Variants in MSH6 observed in about 807,000 individuals in gnomAD.
MSH6 encodes DNA mismatch repair protein Msh6.
Under a neutral mutation model 119.1 loss-of-function variants are expected in MSH6, and 85 were observed. The observed-to-expected ratio is 0.71, with a 90% CI of 0.60 to 0.85. The LOEUF is 0.85. MSH6 is among the 40% of genes least tolerant of loss of function. The pLI is 0.00. For missense variants in MSH6, 2,163 were observed against 1,655.3 expected (o/e 1.31, Z -5.32); for synonymous variants, 830 against 586.9 (o/e 1.41, Z -5.99).
intron 3 of MSH6, among the ~76,000 whole-genome samples, chr2:47,797,264 ATAAC>A (rs1438000009): frequency 2.6e-5 from 4 of 152,258 alleles, no homozygotes; most frequent in African/African-American, 7.2e-5. Flanking sequence ...ACATTCATCT[ATAAC>A]TAAGCTCAGT....
At chr2:47,809,382 C>G, downstream of MSH6, 2 of 725,018 alleles carry the variant, frequency 2.8e-6, no homozygotes, top group South Asian at 4.0e-5. Context: ...TTAAATGAAG[C>G]TAACCAATGA....
At chr2:47,802,362 G>A (rs1030545859) in intron 4 of MSH6, among the ~76,000 whole-genome samples, 2 of 152,046 alleles carry the variant, frequency 1.3e-5, no homozygotes, top group African/African-American at 4.8e-5. Flanking sequence ...TAGAGACGGG[G>A]TCTTGCTGTT....
chr2:47,783,423 G>C lies in MSH6; in HGVS notation c.190G>C (p.Ala64Pro), dbSNP rs587779921. 2.0e-6 allele frequency: 3 copies of C among 1,509,352 alleles called. No homozygotes were observed. The highest frequency in any genetic ancestry group is 2.7e-6 in the Non-Finnish European group (3 of 1,131,018). The allele number at this position is 1,509,352 out of a possible 1,614,324, so 93.5% of individuals were successfully genotyped here. A position where few individuals can be genotyped will look rare whatever the true frequency, so the allele number is the denominator to read the frequency against. ...GPGPRPLARS[A>P]SPPKAKNLNG... is the part of the protein sequence containing the mutation. ...TGGGCCCAGGCCCTTGGCGCGCTCCGCGTCACCGCCCAAGGCGAAGAACCT... is the reference window on the plus strand; with the variant it reads ...TGGGCCCAGGCCCTTGGCGCGCTCCCCGTCACCGCCCAAGGCGAAGAACCT... Residue 64 changes from alanine to proline, a missense_variant, in exon 1 of 10, where the codon GCG becomes CCG. By Grantham distance (27) the Ala-to-Pro change is conservative. Transcript: ENST00000234420.
chr2:47,805,065 C>T (rs755081269), intron 6 of MSH6, 38 bp downstream of exon 6: 9 of 1,310,474 alleles, frequency 6.9e-6, no homozygotes, highest in Admixed American at 1.7e-5. Context: ...CTCATTCAGT[C>T]ATTTAGATGT....
At chr2:47,805,595 T>C (rs765603378) in intron 6 of MSH6, 23 bp from the exon 7 acceptor site, 2 of 1,504,412 alleles carry the variant, frequency 1.3e-6, no homozygotes, top group Admixed American at 3.4e-5. Flanking sequence ...TGAGTATTCA[T>C]TTGTGATTTT....
chr2:47,800,428 T>G lies in MSH6; in HGVS notation c.2445T>G (p.Leu815=), dbSNP rs1114167764. The G allele has an allele frequency of 6.2e-7, 1 of 1,614,058 alleles. No individual in the cohort carries two copies. Among genetic ancestry groups the G allele is most frequent in the Non-Finnish European group, 8.5e-7 (1 of 1,180,010 alleles). Reference sequence around the variant, plus strand: ...AAGTTGTAGAGCTTCTAAAGAAGCTTCCAGATCTTGAGAGGCTACTCAGTA... The same window carrying G: ...AAGTTGTAGAGCTTCTAAAGAAGCTGCCAGATCTTGAGAGGCTACTCAGTA... ...ISEVVELLKK[L]PDLERLLSKI... The change falls in exon 4 of 10, where the codon CTT becomes CTG. Residue 815 remains leucine (L), a synonymous_variant. Transcript: ENST00000234420.
intron 1 of MSH6, among the ~76,000 whole-genome samples, chr2:47,788,121 C>G (rs1260995293): frequency 6.6e-6 from 1 of 151,934 alleles, no homozygotes; most frequent in African/African-American, 2.4e-5. Flanking sequence ...TTTCCTGGGT[C>G]CAGGATGTTT....
At position 47,783,148 on chromosome 2, in the gene MSH6, T is replaced by G. The variant is rs1668101431; in HGVS notation, c.-86T>G. The G allele has an allele frequency of 6.4e-7, 1 of 1,573,132 alleles. No homozygotes were observed. The stretch of plus-strand genomic sequence containing the variant: ...CCGGCGGAGCGCGCCTCCCCCCAGA[T>G]TTCCCGCCAGCAGGAGCCGCGCGGT... On this transcript the variant is annotated 5_prime_UTR_variant, in exon 1 of 10. Coordinates refer to ENST00000234420, the MANE Select transcript of MSH6 (RefSeq NM_000179.3).
intron 3 of MSH6, among the ~76,000 whole-genome samples, chr2:47,797,428 C>G (rs546178900): frequency 1.3e-5 from 2 of 152,200 alleles, no homozygotes; most frequent in South Asian, 4.1e-4. Context: ...TAGCCTAATA[C>G]TGGTTTAACA....
rs2020906 is a variant in MSH6, at chr2:47,806,945, T to A, written c.*85T>A. On this transcript the variant is annotated 3_prime_UTR_variant, in exon 10 of 10. Coordinates refer to ENST00000234420, the MANE Select transcript of MSH6 (RefSeq NM_000179.3). ...TTATGATCTAATAAACTTTATTTTT[T>A]AAAAATGACCATTTTTCCATTTTCT... The A allele has an allele frequency of 7.3e-3, 7,562 of 1,036,700 alleles. 41 individuals are homozygous for A. The highest frequency in any genetic ancestry group is 8.7e-3 in the Non-Finnish European group (5,894 of 675,306). 64.2% of individuals were successfully genotyped at this position (1,036,700 alleles called of 1,614,324 possible). A position where few individuals can be genotyped will look rare whatever the true frequency, so the allele number is the denominator to read the frequency against.
At chr2:47,788,016 T>A (rs1318124369) in intron 1 of MSH6, among the ~76,000 whole-genome samples, 1 of 152,166 alleles carries the variant, frequency 6.6e-6, no homozygotes, top group African/African-American at 2.4e-5. Context: ...TAGCAGTGAG[T>A]GAAGAAAAAT....
At chr2:47,788,109 A>C (rs1205637137) in intron 1 of MSH6, among the ~76,000 whole-genome samples, 2 of 152,162 alleles carry the variant, frequency 1.3e-5, no homozygotes, top group Non-Finnish European at 2.9e-5. Context: ...CTCAGAAACC[A>C]GTTTCCTGGG....
At position 47,806,930 on chromosome 2, in the gene MSH6, A is replaced by ATTTT; in HGVS notation, c.*71_*72insTTTT. ...TAAATTCAGACAACATTATGATCTA[A>ATTTT]TAAACTTTATTTTTTAAAAATGACC... On this transcript the variant is annotated 3_prime_UTR_variant, in exon 10 of 10. Transcript: ENST00000234420. The ATTTT allele has an allele frequency of 8.7e-7, 1 of 1,155,526 alleles. No homozygotes were observed. The allele number at this position is 1,155,526 out of a possible 1,614,324, so 71.6% of individuals were successfully genotyped here.
rs1391362533 is a variant in MSH6, at chr2:47,796,076, A to C, written c.627+13A>C. 6.2e-7 allele frequency: 1 copy of C among 1,613,932 alleles called. No homozygotes were observed. The highest frequency in any genetic ancestry group is 8.5e-7 in the Non-Finnish European group (1 of 1,179,928). ...AGAAGAGATGGAGGTGGGACACGGCAAGCATTCAGTTGTTATTTATGTTAG... is the reference window on the plus strand; with the variant it reads ...AGAAGAGATGGAGGTGGGACACGGCCAGCATTCAGTTGTTATTTATGTTAG... On this transcript the variant is annotated intron_variant, in intron 3 of 9. Coordinates refer to ENST00000234420, the MANE Select transcript of MSH6 (RefSeq NM_000179.3).
At position 47,790,967 on chromosome 2, in the gene MSH6, G is replaced by A. The variant is rs2104100845; in HGVS notation, c.301G>A (p.Glu101Lys). The change falls in exon 2 of 10, where the codon GAG (glutamate) becomes AAG (lysine). Residue 101 changes from glutamate to lysine, a missense_variant. By Grantham distance (56) the Glu-to-Lys change is moderately conservative (BLOSUM62 1). Coordinates refer to ENST00000234420, the MANE Select transcript of MSH6 (RefSeq NM_000179.3). ...SPGDLVWAKMEGYPWWPCLVY... is the reference protein window; with the variant it reads ...SPGDLVWAKMKGYPWWPCLVY... ...AGGAGATTTGGTTTGGGCCAAGATG[G>A]AGGGTTACCCCTGGTGGCCTTGTCT... The A allele has an allele frequency of 6.2e-7, 1 of 1,614,234 alleles. No homozygotes were observed.
chr2:47,801,253 A>C (rs2104446051), intron 4 of MSH6, 98 bp downstream of exon 4: 1 of 1,246,452 alleles, frequency 8.0e-7, no homozygotes, highest in African/African-American at 1.5e-5. Context: ...TATATATGGT[A>C]CATATTTTGA....
In MSH6 at chr2:47,783,392, T is replaced by G. The variant is rs2103939407; in HGVS notation, c.159T>G (p.Ala53=). The stretch of plus-strand genomic sequence containing the variant: ...GCGGGGATGCGGCCTGGAGCGAGGC[T>G]GGGCCTGGGCCCAGGCCCTTGGCGC... ...SPGGDAAWSE[A]GPGPRPLARS... is the part of the protein sequence containing the mutation. Residue 53 remains alanine (A), a synonymous_variant, in exon 1 of 10, where the codon GCT becomes GCG. Transcript: ENST00000234420. The G allele has an allele frequency of 6.4e-7, 1 of 1,574,398 alleles. No individual in the cohort carries two copies. Among genetic ancestry groups the G allele is most frequent in the Non-Finnish European group, 8.6e-7 (1 of 1,160,238 alleles).
intron 6 of MSH6, among the ~76,000 whole-genome samples, chr2:47,805,238 T>C (rs896060596): frequency 6.6e-6 from 1 of 151,940 alleles, no homozygotes; most frequent in Admixed American, 6.6e-5. Flanking sequence ...TGGAGTGCAA[T>C]GGCACGATCT....
In MSH6 at chr2:47,804,086, C is replaced by T. The variant is rs573723614; in HGVS notation, c.3438+401C>T. Reference sequence around the variant, plus strand: ...GTAAGAAAGCAAATATAGTTCATGACCTCTAGCAACTGTTGAAAACTGCTC... The same window carrying T: ...GTAAGAAAGCAAATATAGTTCATGATCTCTAGCAACTGTTGAAAACTGCTC... On this transcript the variant is annotated intron_variant, in intron 5 of 9. Coordinates refer to ENST00000234420, the MANE Select transcript of MSH6 (RefSeq NM_000179.3). 5.3e-5 allele frequency among the ~76,000 whole-genome samples: 8 copies of T among 152,152 alleles called. No homozygotes were observed. The East Asian group carries it at 9.7e-4, about 18-fold the overall frequency.
Sources: allele counts gnomAD v4.1 joint callset (sites outside exome capture counted in the v4.1 genomes callset), GRCh38; gene constraint gnomAD v4.1.1; transcripts MANE v1.5; gene names NCBI Gene and HGNC (gene_info 2026-07-23, HGNC 2026-07-21).